HCN2: variants seen among roughly 807,000 people sequenced by gnomAD.
HCN2 encodes potassium/sodium hyperpolarization-activated cyclic nucleotide-gated channel 2.
HCN2 carries 20 observed loss-of-function variants against 52.3 expected under a neutral mutation model. That is an observed-to-expected ratio of 0.38 (90% CI 0.27 to 0.56). The LOEUF (loss-of-function observed/expected upper bound fraction) is 0.56. Among genes scored for constraint, HCN2 ranks in the 20% least tolerant of loss-of-function variants. The probability of loss-of-function intolerance (pLI) is 0.71; values close to 1 mark genes in which losing one functional copy is unlikely to be tolerated. For missense variants in HCN2, 981 were observed against 1,207.7 expected, an observed-to-expected ratio of 0.81 and a Z score of 2.78; for synonymous variants, 694 against 537.0, an observed-to-expected ratio of 1.29 and a Z score of -4.04.
rs1408217465 is a variant in HCN2, at chr19:615,785, T to C, written c.1991-10T>C. The stretch of plus-strand genomic sequence containing the variant: ...TCCCTGTGCACACGCTAACGCCCCC[T>C]CTCCCGCAGGCAAGAAGAATTCCAT... On this transcript the variant is annotated splice_polypyrimidine_tract_variant and intron_variant, in intron 7 of 7. Transcript: ENST00000251287. 2.5e-6 allele frequency: 4 copies of C among 1,610,422 alleles called. No homozygotes were observed. The highest frequency in any genetic ancestry group is 3.4e-6 in the Non-Finnish European group (4 of 1,179,228).
rs1454587067 is a variant in HCN2 at position 617,000 on chromosome 19, G to A, written c.*526G>A. 6.1e-6 allele frequency: 3 copies of A among 489,342 alleles called. No homozygotes were observed. The highest frequency in any genetic ancestry group is 4.1e-5 in the South Asian group (2 of 48,976). The allele number at this position is 489,342 out of a possible 1,614,324, so 30.3% of individuals were successfully genotyped here. On this transcript the variant is annotated 3_prime_UTR_variant, in exon 8 of 8. Coordinates refer to ENST00000251287, the MANE Select transcript of HCN2 (RefSeq NM_001194.4). ...CCTCCCTCCAGCACTGGCACCGAGAGGCAGGCCTGGCTGCGCAGGGCGCGG... is the reference window on the plus strand; with the variant it reads ...CCTCCCTCCAGCACTGGCACCGAGAAGCAGGCCTGGCTGCGCAGGGCGCGG...
At chr19:602,060 C>T (rs1302734816) in intron 1 of HCN2, among the ~76,000 whole-genome samples, 2 of 150,650 alleles carry the variant, frequency 1.3e-5, no homozygotes, top group African/African-American at 4.9e-5. Context: ...CCCGTCTCTG[C>T]TTGGCTTCCC....
In HCN2 at chr19:611,660, C is replaced by T. The variant is rs547072325; in HGVS notation, c.1584+1255C>T. ...GATATAACACTCAGACCACAAAATG[C>T]ATAAAATGCGGTGGCTTTTAGTATT... On this transcript the variant is annotated intron_variant, in intron 5 of 7. Coordinates refer to ENST00000251287, the MANE Select transcript of HCN2 (RefSeq NM_001194.4). 1.2e-4 allele frequency among the ~76,000 whole-genome samples: 18 copies of T among 152,322 alleles called. No homozygotes were observed. In the South Asian group the frequency reaches 3.5e-3, roughly 30 times the overall value.
At position 611,485 on chromosome 19, in the gene HCN2, C is replaced by T. The variant is rs535215297; in HGVS notation, c.1584+1080C>T. Among the ~76,000 whole-genome samples, 81 of 152,290 alleles carry T rather than the reference C, an allele frequency of 5.3e-4. 1 individual carries two copies. Among genetic ancestry groups the T allele is most frequent in the South Asian group, 2.3e-3 (11 of 4,822 alleles). Reference sequence around the variant, plus strand: ...GAGCTGGGCGAGGAGGCGGGCAGGACGGGCCTGACACTAGGGACCTCGGGC... The same window carrying T: ...GAGCTGGGCGAGGAGGCGGGCAGGATGGGCCTGACACTAGGGACCTCGGGC... On this transcript the variant is annotated intron_variant, in intron 5 of 7. Coordinates refer to ENST00000251287, the MANE Select transcript of HCN2 (RefSeq NM_001194.4).
chr19:610,184 C>T (rs956463645), intron 4 of HCN2, 75 bp from the exon 5 acceptor site: 34 of 1,536,130 alleles, frequency 2.2e-5, no homozygotes, highest in Non-Finnish European at 2.9e-5. Context: ...CGCCTCCCCA[C>T]AGTACAAGCA....
intron 4 of HCN2, among the ~76,000 whole-genome samples, 167 bp from the exon 5 acceptor site, chr19:610,092 G>A (rs1318450972): frequency 2.7e-5 from 4 of 149,628 alleles, no homozygotes; most frequent in East Asian, 1.9e-4. Context: ...CTATCTCCCC[G>A]CCACAGGCCG....
chr19:599,748 A>G (rs921075253), intron 1 of HCN2, among the ~76,000 whole-genome samples: 16 of 152,052 alleles, frequency 1.1e-4, no homozygotes, highest in Non-Finnish European at 1.6e-4. Flanking sequence ...AGATTGTGCC[A>G]TCGCACTCCA....
At position 605,349 on chromosome 19, in the gene HCN2, C is replaced by T. The variant is rs578232696; in HGVS notation, c.1218+127C>T. The T allele has an allele frequency of 1.5e-4, 102 of 685,314 alleles. 4 individuals carry two copies. The South Asian group carries it at 2.3e-3, about 16-fold the overall frequency. The allele number at this position is 685,314 out of a possible 1,614,324, so 42.5% of individuals were successfully genotyped here. On this transcript the variant is annotated intron_variant, in intron 3 of 7. Transcript: ENST00000251287. ...TTCAGAGGTGGGGACCCAGGCGCCC[C>T]CTTATGGAGGGGAGGACTCGGGCCC...
chr19:614,344 G>A (rs72974128), intron 7 of HCN2, among the ~76,000 whole-genome samples: 24 of 152,314 alleles, frequency 1.6e-4, no homozygotes, highest in Non-Finnish European at 3.4e-4. Context: ...CCGAATGCTC[G>A]GTGAGCACCT....
rs1029376669 is a variant in HCN2, at chr19:591,910, C to T, written c.632+1333C>T. Among the ~76,000 whole-genome samples, 3 of 152,176 alleles carry T rather than the reference C, an allele frequency of 2.0e-5. No homozygotes were observed. Among genetic ancestry groups the T allele is most frequent in the Admixed American group, 6.5e-5 (1 of 15,288 alleles). On this transcript the variant is annotated intron_variant, in intron 1 of 7. Coordinates refer to ENST00000251287, the MANE Select transcript of HCN2 (RefSeq NM_001194.4). This position sits in a 1 kb window ranked among gnomAD's most constrained non-coding sequence, Gnocchi z 4.1. ...GAGCCTGGAGGAAGGCCCTGGAATCCTCCTCCCACCCCAGGCCTTCCTGAG... is the reference window on the plus strand; with the variant it reads ...GAGCCTGGAGGAAGGCCCTGGAATCTTCCTCCCACCCCAGGCCTTCCTGAG...
chr19:613,087 C>T (rs887843251), intron 5 of HCN2, among the ~76,000 whole-genome samples, 161 bp from the exon 6 acceptor site: 2 of 152,154 alleles, frequency 1.3e-5, no homozygotes, highest in Admixed American at 6.5e-5. Flanking sequence ...TTTTTTCTTT[C>T]TCCCGTCCTT....
intron 5 of HCN2, among the ~76,000 whole-genome samples, chr19:611,300 A>G (rs1983626284): frequency 6.6e-6 from 1 of 152,198 alleles, no homozygotes. Context: ...AGCGGGGCCT[A>G]GGGATGGCGG....
chr19:608,393 CG>C (rs372286292), intron 4 of HCN2, among the ~76,000 whole-genome samples: 2 of 126,946 alleles, frequency 1.6e-5, no homozygotes, highest in African/African-American at 5.1e-5. Flanking sequence ...GGCCCGGCCC[CG>C]GGGTCTGAGG....
chr19:615,772 C>G, intron 7 of HCN2, 23 bp from the exon 8 acceptor site: 1 of 1,609,100 alleles, frequency 6.2e-7, no homozygotes. Context: ...CCTGTGCACA[C>G]GCTAACGCCC....
In HCN2 at chr19:590,884, G is replaced by C. The variant is rs1057201268; in HGVS notation, c.632+307G>C. The C allele has an allele frequency of 4.9e-6, 1 of 205,408 alleles. No individual in the cohort carries two copies. Among genetic ancestry groups the C allele is most frequent in the Admixed American group, 6.0e-5 (1 of 16,676 alleles). 12.7% of individuals were successfully genotyped at this position (205,408 alleles called of 1,614,324 possible). On this transcript the variant is annotated intron_variant, in intron 1 of 7. Transcript: ENST00000251287. This position sits in a 1 kb window ranked among gnomAD's most constrained non-coding sequence, Gnocchi z 7.2. ...CAGGGTCTGAGCGCAGAGGGGCAGA[G>C]AGGACGAATAGAGGGGAACGTGGGC...
intron 1 of HCN2, among the ~76,000 whole-genome samples, chr19:599,766 C>T (rs1600521477): frequency 2.0e-5 from 3 of 151,424 alleles, no homozygotes; most frequent in Admixed American, 6.6e-5. Context: ...CCAGCCTGGG[C>T]GACAGAGTGA....
intron 1 of HCN2, among the ~76,000 whole-genome samples, chr19:599,451 T>C (rs1285617186): frequency 6.6e-6 from 1 of 151,930 alleles, no homozygotes; most frequent in East Asian, 1.9e-4. Context: ...ACCCCGGCCA[T>C]GATAGGGAGG....
intron 3 of HCN2, among the ~76,000 whole-genome samples, chr19:605,883 G>A (rs995667441): frequency 6.6e-6 from 1 of 152,026 alleles, no homozygotes; most frequent in Non-Finnish European, 1.5e-5. Context: ...GAGGACTCAG[G>A]CCTCTTTACA....
chr19:591,758 G>GC lies in HCN2; in HGVS notation c.632+1186dup, dbSNP rs1298375426. Among the ~76,000 whole-genome samples the GC allele has an allele frequency of 2.0e-4, 30 of 152,120 alleles. No individual in the cohort carries two copies. Among genetic ancestry groups the GC allele is most frequent in the Admixed American group, 2.0e-3 (30 of 15,270 alleles). ...CTCCAGGCCTGGGCGCCCCAGGACA[G>GC]CCCCCACGGACCCTGGACCCCCGGA... On this transcript the variant is annotated intron_variant, in intron 1 of 7. Transcript: ENST00000251287. The surrounding 1 kb of genome is among the most constrained non-coding windows in gnomAD (Gnocchi z 4.1).
Sources: allele counts gnomAD v4.1 joint callset (sites outside exome capture counted in the v4.1 genomes callset), GRCh38; gene constraint gnomAD v4.1.1; non-coding constraint Gnocchi (gnomAD v3.1); transcripts MANE v1.5; gene names NCBI Gene and HGNC (gene_info 2026-07-23, HGNC 2026-07-21).